GOLGB1: variants seen among roughly 807,000 people sequenced by gnomAD.
The protein encoded by GOLGB1 is golgin subfamily B member 1.
A neutral mutation model predicts 336.9 loss-of-function variants in GOLGB1; 174 were observed. The ratio of observed to expected loss-of-function variants is 0.52; its 90% CI spans 0.46 to 0.59. The LOEUF (loss-of-function observed/expected upper bound fraction) is 0.59, where lower values mean the gene tolerates loss of function less well. Among genes scored for constraint, GOLGB1 ranks in the 20% least tolerant of loss-of-function variants. The pLI, the probability that GOLGB1 is intolerant of heterozygous loss-of-function variation, is 0.00. For missense variants in GOLGB1, 3,331 were observed against 3,645.3 expected, an observed-to-expected ratio of 0.91 and a Z score of 2.22; for synonymous variants, 1,208 against 1,289.2, an observed-to-expected ratio of 0.94 and a Z score of 1.35.
chr3:121,722,894 T>C (rs1945296974), intron 5 of GOLGB1, among the ~76,000 whole-genome samples: 1 of 152,170 alleles, frequency 6.6e-6, no homozygotes, highest in Non-Finnish European at 1.5e-5. Context: ...TCTTTAATAC[T>C]AGGTAAATGC....
intron 1 of GOLGB1, among the ~76,000 whole-genome samples, chr3:121,744,032 T>C (rs1241305149): frequency 1.3e-5 from 2 of 152,194 alleles, no homozygotes; most frequent in African/African-American, 4.8e-5. Context: ...GAGTTTCTGA[T>C]TGACCCTCCC....
chr3:121,697,373 T>C lies in GOLGB1; in HGVS notation c.3150A>G (p.Glu1050=), dbSNP rs1334889160. 8.7e-6 allele frequency: 14 copies of C among 1,613,542 alleles called. No homozygotes were observed. The highest frequency in any genetic ancestry group is 1.3e-5 in the African/African-American group (1 of 74,912). Residue 1050 remains glutamate, a synonymous_variant, in exon 13 of 22, where the codon GAA becomes GAG. Transcript: ENST00000614479. ...TAGAAGTCACACATTTTTCTGAGTATTCTTTGTTTTCTTTATCTTCTTCCA... is the reference window on the plus strand; with the variant it reads ...TAGAAGTCACACATTTTTCTGAGTACTCTTTGTTTTCTTTATCTTCTTCCA... ...GEVEEDKENK[E]YSEKCVTSKC...
Position 121,697,255 on chromosome 3 carries a change from C to T in GOLGB1, c.3268G>A (p.Ala1090Thr). ...HIRKDLEEKLAAEEQFQALVK... is the reference protein window; with the variant it reads ...HIRKDLEEKLTAEEQFQALVK... ...AGAGCCTGGAATTGCTCTTCAGCTG[C>T]CAGCTTTTCTTCCAAATCCTTCCTT... Residue 1090 changes from alanine to threonine, a missense_variant, in exon 13 of 22, where the codon GCA becomes ACA. By Grantham distance (58) the Ala-to-Thr change is moderately conservative. Coordinates refer to ENST00000614479, the MANE Select transcript of GOLGB1 (RefSeq NM_001366282.2). 1.9e-6 allele frequency: 3 copies of T among 1,614,112 alleles called. No individual in the cohort carries two copies. Among genetic ancestry groups the T allele is most frequent in the Non-Finnish European group, 2.5e-6 (3 of 1,179,990 alleles).
chr3:121,735,851 G>A (rs533463690), intron 1 of GOLGB1, among the ~76,000 whole-genome samples: 18 of 152,184 alleles, frequency 1.2e-4, no homozygotes, highest in South Asian at 2.1e-4. Context: ...TCCAGATCTC[G>A]ATTTCTAAAT....
At chr3:121,706,732 T>C (rs1305910888) in intron 10 of GOLGB1, among the ~76,000 whole-genome samples, 1 of 2,046 alleles carries the variant, frequency 4.9e-4, no homozygotes. Flanking sequence ...AGACTCTGTC[T>C]CAAAAAAAAA....
intron 8 of GOLGB1, 59 bp from the exon 9 acceptor site, chr3:121,717,198 T>C (rs1215581760): frequency 1.0e-5 from 14 of 1,355,542 alleles, no homozygotes; most frequent in South Asian, 1.4e-5. Flanking sequence ...TCAACAAGCA[T>C]TGTAAAGTGC....
At chr3:121,735,889 G>T (rs927300327) in intron 1 of GOLGB1, among the ~76,000 whole-genome samples, 1 of 152,082 alleles carries the variant, frequency 6.6e-6, no homozygotes, top group African/African-American at 2.4e-5. Context: ...AGGAACTAGG[G>T]CTCCTTGGAG....
chr3:121,713,116 C>T (rs964631110), intron 10 of GOLGB1, among the ~76,000 whole-genome samples: 2 of 151,852 alleles, frequency 1.3e-5, no homozygotes, highest in African/African-American at 2.4e-5. Flanking sequence ...GAGCCGAGAT[C>T]GCACCACTGT....
rs753608867 is a variant in GOLGB1, at chr3:121,696,604, T to G, written c.3919A>C (p.Thr1307Pro). The G allele has an allele frequency of 6.2e-7, 1 of 1,614,188 alleles. No homozygotes were observed. Among genetic ancestry groups the G allele is most frequent in the Admixed American group, 1.7e-5 (1 of 60,012 alleles). ...TGGGCCTTAATCTGGGCAACAGAAG[T>G]TCCGCCCTGCAGAGCACTCGCATCT... The part of the protein sequence containing the change: ...SEDASALQGG[T>P]SVAQIKAQLK... The change falls in exon 13 of 22, where the codon ACT (threonine) becomes CCT (proline). Residue 1307 changes from threonine to proline, a missense_variant. Transcript: ENST00000614479.
chr3:121,684,205 A>G (rs1169540748), intron 14 of GOLGB1, among the ~76,000 whole-genome samples: 2 of 149,428 alleles, frequency 1.3e-5, no homozygotes, highest in Non-Finnish European at 3.0e-5. Context: ...AATTAAGAAT[A>G]TAATGGCAAA....
chr3:121,711,787 A>G (rs907289068), intron 10 of GOLGB1, among the ~76,000 whole-genome samples: 4 of 152,348 alleles, frequency 2.6e-5, no homozygotes, highest in South Asian at 2.1e-4. Flanking sequence ...AATTTCTCCA[A>G]TGAAAACTAC....
At chr3:121,704,100 T>C (rs1467267075) in intron 10 of GOLGB1, among the ~76,000 whole-genome samples, 1 of 151,304 alleles carries the variant, frequency 6.6e-6, no homozygotes, top group Admixed American at 6.6e-5. Flanking sequence ...AATTATCCAA[T>C]CTGAAGACAG....
chr3:121,749,698 G>A lies in GOLGB1; in HGVS notation c.-69C>T, dbSNP rs1287585667. On this transcript the variant is annotated 5_prime_UTR_variant, in exon 1 of 22. Coordinates refer to ENST00000614479, the MANE Select transcript of GOLGB1 (RefSeq NM_001366282.2). ...AATTCAAGCCACGTCAGCTCGGGAA[G>A]CCCGTACGCGACACCTTCCACCGCC... The A allele has an allele frequency of 1.3e-5, 2 of 152,712 alleles. No homozygotes were observed. The highest frequency in any genetic ancestry group is 2.9e-5 in the Non-Finnish European group (2 of 68,464). The allele number at this position is 152,712 out of a possible 1,614,324, so 9.5% of individuals were successfully genotyped here.
chr3:121,743,345 CTCGCCAAACTA>C (rs1202516632), intron 1 of GOLGB1, among the ~76,000 whole-genome samples: 1 of 152,278 alleles, frequency 6.6e-6, no homozygotes, highest in East Asian at 1.9e-4. Context: ...AACCATCATT[CTCGCCAAACTA>C]TCACAAGGAC....
intron 14 of GOLGB1, among the ~76,000 whole-genome samples, chr3:121,682,351 G>A (rs1941175126): frequency 6.6e-6 from 1 of 152,156 alleles, no homozygotes; most frequent in Non-Finnish European, 1.5e-5. Context: ...AGGCTCTGGA[G>A]TTAGATATCC....
chr3:121,748,422 G>C (rs1456891962), intron 1 of GOLGB1, among the ~76,000 whole-genome samples: 2 of 151,952 alleles, frequency 1.3e-5, no homozygotes, highest in Middle Eastern at 3.2e-3. Context: ...AAGCTGCTGA[G>C]GTAGTAAAAA....
At position 121,717,085 on chromosome 3, in the gene GOLGB1, T is replaced by C. The variant is rs1233020735; in HGVS notation, c.940A>G (p.Thr314Ala). The change falls in exon 9 of 22, where the codon ACT becomes GCT. Residue 314 changes from threonine (T) to alanine (A), a missense_variant. By Grantham distance (58) the Thr-to-Ala change is moderately conservative (BLOSUM62 0). Coordinates refer to ENST00000614479, the MANE Select transcript of GOLGB1 (RefSeq NM_001366282.2). ...MEAEHNTLRN[T>A]VETEREESKI... is the part of the protein sequence containing the mutation. ...GACTCCTCTCTTTCTGTTTCCACAGTGTTCCTCAAAGTATTATGCTCAGCT... is the reference window on the plus strand; with the variant it reads ...GACTCCTCTCTTTCTGTTTCCACAGCGTTCCTCAAAGTATTATGCTCAGCT... 4.3e-6 allele frequency: 7 copies of C among 1,613,036 alleles called. No individual in the cohort carries two copies. The highest frequency in any genetic ancestry group is 5.9e-6 in the Non-Finnish European group (7 of 1,179,160).
At chr3:121,717,233 T>A (rs1010278564) in intron 8 of GOLGB1, 94 bp from the exon 9 acceptor site, 1 of 943,380 alleles carries the variant, frequency 1.1e-6, no homozygotes, top group African/African-American at 1.7e-5. Context: ...TGGAAAAAAA[T>A]GGGAACATGT....
intron 14 of GOLGB1, among the ~76,000 whole-genome samples, chr3:121,687,786 T>C (rs968206697): frequency 6.6e-6 from 1 of 152,166 alleles, no homozygotes; most frequent in African/African-American, 2.4e-5. Context: ...TGAAAAAAGA[T>C]TTTGACTTAG....
Sources: allele counts gnomAD v4.1 joint callset (sites outside exome capture counted in the v4.1 genomes callset), GRCh38; gene constraint gnomAD v4.1.1; transcripts MANE v1.5; gene names NCBI Gene and HGNC (gene_info 2026-07-23, HGNC 2026-07-21).